MAP4K4: variants seen among roughly 807,000 people sequenced by gnomAD.
The protein encoded by MAP4K4 is mitogen-activated protein kinase kinase kinase kinase 4, also known as HPK/GCK-like kinase HGK.
In MAP4K4, 38 loss-of-function variants were observed where a neutral mutation model predicts 189.6. The ratio of observed to expected loss-of-function variants is 0.20; its 90% CI spans 0.15 to 0.26. The LOEUF (loss-of-function observed/expected upper bound fraction) is 0.26, where lower values mean the gene tolerates loss of function less well. Among genes scored for constraint, MAP4K4 ranks in the 10% least tolerant of loss-of-function variants. The pLI is 1.00. For missense variants in MAP4K4, 1,054 were observed against 1,726.9 expected (o/e 0.61, Z 6.91); for synonymous variants, 610 against 624.3 (o/e 0.98, Z 0.34).
At chr2:101,735,961 C>T (rs1407840167) in intron 2 of MAP4K4, among the ~76,000 whole-genome samples, 1 of 152,188 alleles carries the variant, frequency 6.6e-6, no homozygotes, top group Admixed American at 6.5e-5. Flanking sequence ...CTGTTTCCTA[C>T]AGCCTTCTAT....
Position 101,888,826 on chromosome 2 carries a change from G to A in MAP4K4, c.3962G>A (p.Trp1321Ter). Reference sequence around the variant, plus strand: ...ATTCGATCCAATCAGACAATGGGCTGGGGAGAGAAGGCCATAGAGATCCGA... The same window carrying A: ...ATTCGATCCAATCAGACAATGGGCTAGGGAGAGAAGGCCATAGAGATCCGA... Residue 1321 changes from tryptophan (W) to a stop codon, truncating the protein, a stop_gained, in exon 32 of 33, where the codon TGG becomes TAG. Coordinates refer to ENST00000324219, the Ensembl canonical transcript of MAP4K4. LOFTEE classifies it high-confidence loss of function. The A allele has an allele frequency of 6.2e-7, 1 of 1,613,070 alleles. No homozygotes were observed. The highest frequency in any genetic ancestry group is 8.5e-7 in the Non-Finnish European group (1 of 1,179,486).
intron 27 of MAP4K4, among the ~76,000 whole-genome samples, chr2:101,880,613 A>C (rs935727838): frequency 6.6e-6 from 1 of 151,680 alleles, no homozygotes; most frequent in African/African-American, 2.4e-5. Context: ...GGTTCAAGCA[A>C]TTCTCCTGCC....
exon 33 of MAP4K4, chr2:101,893,170 C>T (rs1411637149): frequency 4.4e-6 from 2 of 456,416 alleles, no homozygotes; most frequent in Admixed American, 4.7e-5. Flanking sequence ...GAAAAAGGCC[C>T]TCCTTTGAGC....
intron 2 of MAP4K4, among the ~76,000 whole-genome samples, chr2:101,786,651 G>C (rs1411019515): frequency 6.6e-6 from 1 of 152,184 alleles, no homozygotes; most frequent in African/African-American, 2.4e-5. Flanking sequence ...AATTTGACGA[G>C]TTAGTAGAAA....
intron 21 of MAP4K4, 87 bp downstream of exon 21, chr2:101,868,124 C>G (rs1028955216): frequency 2.1e-6 from 3 of 1,410,640 alleles, no homozygotes; most frequent in African/African-American, 1.4e-5. Context: ...CGGTCCTGCT[C>G]CTTCCTCAAC....
intron 13 of MAP4K4, among the ~76,000 whole-genome samples, chr2:101,856,606 C>A (rs757729211): frequency 3.6e-4 from 54 of 151,984 alleles, no homozygotes; most frequent in Non-Finnish European, 6.9e-4. Context: ...ATATACACAG[C>A]ACATTAAAAA....
At chr2:101,823,256 C>T (rs555799676) in intron 3 of MAP4K4, among the ~76,000 whole-genome samples, 8 of 152,302 alleles carry the variant, frequency 5.3e-5, no homozygotes, top group Non-Finnish European at 1.0e-4. Context: ...TCTTCCTCTG[C>T]TCATCTTATT....
chr2:101,795,827 T>C (rs1200159227), intron 3 of MAP4K4, among the ~76,000 whole-genome samples: 2 of 152,220 alleles, frequency 1.3e-5, no homozygotes, highest in African/African-American at 4.8e-5. Context: ...TCTCTTATAC[T>C]GAAAATATTG....
intron 2 of MAP4K4, among the ~76,000 whole-genome samples, chr2:101,710,106 A>G (rs576531527): frequency 2.6e-5 from 4 of 152,288 alleles, no homozygotes; most frequent in East Asian, 3.9e-4. Context: ...AGGTATGTCA[A>G]AGACTGAATA....
intron 2 of MAP4K4, among the ~76,000 whole-genome samples, chr2:101,752,625 C>A (rs2069735450): frequency 6.6e-6 from 1 of 152,188 alleles, no homozygotes; most frequent in Admixed American, 6.5e-5. Context: ...CAGCTGGGCA[C>A]TGTGCTAGTG....
chr2:101,847,205 T>A (rs1278657832), intron 12 of MAP4K4, among the ~76,000 whole-genome samples: 1 of 152,226 alleles, frequency 6.6e-6, no homozygotes, highest in Non-Finnish European at 1.5e-5. Flanking sequence ...TGGTGTAAAC[T>A]CATGTATTGC....
chr2:101,759,849 C>T (rs1236622911), intron 2 of MAP4K4, among the ~76,000 whole-genome samples: 2 of 145,828 alleles, frequency 1.4e-5, no homozygotes, highest in African/African-American at 2.5e-5. Flanking sequence ...CCTTTCCATC[C>T]GTCTCCTCTG....
chr2:101,855,132 A>T (rs944910087), intron 12 of MAP4K4, among the ~76,000 whole-genome samples: 1 of 152,168 alleles, frequency 6.6e-6, no homozygotes, highest in Non-Finnish European at 1.5e-5. Flanking sequence ...TCTGTTCTGT[A>T]GGGTTACATA....
chr2:101,879,072 G>A (rs1165633954), intron 27 of MAP4K4, among the ~76,000 whole-genome samples: 1 of 151,686 alleles, frequency 6.6e-6, no homozygotes, highest in Non-Finnish European at 1.5e-5. Flanking sequence ...GCGTATGCCT[G>A]TAATCCCAGC....
At chr2:101,807,630 C>G (rs923401869) in intron 3 of MAP4K4, among the ~76,000 whole-genome samples, 1 of 152,162 alleles carries the variant, frequency 6.6e-6, no homozygotes, top group African/African-American at 2.4e-5. Context: ...TTAATTGACT[C>G]ATGGTTCTAC....
chr2:101,868,133 A>T (rs746066067), intron 21 of MAP4K4, 96 bp downstream of exon 21: 36 of 1,328,018 alleles, frequency 2.7e-5, no homozygotes, highest in Non-Finnish European at 3.8e-5. Context: ...TCCTTCCTCA[A>T]CTTGACTTCT....
chr2:101,772,497 G>A (rs2081972305), intron 2 of MAP4K4, among the ~76,000 whole-genome samples: 1 of 152,082 alleles, frequency 6.6e-6, no homozygotes, highest in Non-Finnish European at 1.5e-5. Context: ...TTAAATTGTG[G>A]ACTATTATGA....
chr2:101,835,848 C>G (rs2096734629), intron 8 of MAP4K4, 52 bp from the exon 9 acceptor site: 1 of 1,221,674 alleles, frequency 8.2e-7, no homozygotes, highest in African/African-American at 1.5e-5. Flanking sequence ...CCCTAGAAAT[C>G]AAGAATGAGT....
At chr2:101,845,770 A>G (rs1361672085) in intron 12 of MAP4K4, among the ~76,000 whole-genome samples, 1 of 152,190 alleles carries the variant, frequency 6.6e-6, no homozygotes, top group African/African-American at 2.4e-5. Flanking sequence ...CTTCTGCTGC[A>G]TACCTCACAG....
Sources: allele counts gnomAD v4.1 joint callset (sites outside exome capture counted in the v4.1 genomes callset), GRCh38; gene constraint gnomAD v4.1.1; transcripts MANE v1.5; gene names NCBI Gene and HGNC (gene_info 2026-07-23, HGNC 2026-07-21).